Variants in TSPAN15 observed in about 807,000 individuals in gnomAD.
TSPAN15 encodes tetraspanin 15, also known as tetraspanin-15.
Under a neutral mutation model 34.5 loss-of-function variants are expected in TSPAN15, and 20 were observed. The ratio of observed to expected loss-of-function variants is 0.58; its 90% CI spans 0.41 to 0.84. The LOEUF is 0.84. TSPAN15 is among the 40% of genes least tolerant of loss of function. The pLI is 0.00. For synonymous variants in TSPAN15, 155 were observed against 153.9 expected, an observed-to-expected ratio of 1.01 and a Z score of -0.05; for missense variants, 313 against 386.1, an observed-to-expected ratio of 0.81 and a Z score of 1.59.
the TSPAN15 span, among the ~76,000 whole-genome samples, chr10:69,539,539 G>GAAGAAGAAGA: frequency 1.8e-3 from 75 of 42,692 alleles, 4 homozygotes; most frequent in Middle Eastern, 0.018. Context: ...GAAGAAGAAG[G>GAAGAAGAAGA]AGAAGGAGAA....
intron 5 of TSPAN15, among the ~76,000 whole-genome samples, chr10:69,500,120 G>A (rs1842173770): frequency 2.6e-5 from 4 of 152,172 alleles, no homozygotes; most frequent in African/African-American, 4.8e-5. Context: ...GTGATCCAGG[G>A]GTCATAGGTC....
At chr10:69,498,557 C>A (rs1258919832) in intron 5 of TSPAN15, among the ~76,000 whole-genome samples, 161 bp downstream of exon 5, 6 of 152,058 alleles carry the variant, frequency 3.9e-5, no homozygotes, top group Admixed American at 3.9e-4. Context: ...CTCAAGGGCT[C>A]CTGAAAGTGG....
intron 1 of TSPAN15, among the ~76,000 whole-genome samples, chr10:69,478,232 C>A (rs1298098133): frequency 6.6e-6 from 1 of 152,088 alleles, no homozygotes; most frequent in Non-Finnish European, 1.5e-5. Context: ...GCAGGATGGG[C>A]CTCGGGACAG....
At chr10:69,477,784 C>T (rs574005419) in intron 1 of TSPAN15, among the ~76,000 whole-genome samples, 51 of 152,196 alleles carry the variant, frequency 3.4e-4, no homozygotes, top group Middle Eastern at 6.8e-3. Context: ...GCCAGGCAGA[C>T]GAGTTTTGGT....
chr10:69,510,171 A>T (rs1483365544), downstream of TSPAN15, among the ~76,000 whole-genome samples: 1 of 152,198 alleles, frequency 6.6e-6, no homozygotes, highest in East Asian at 1.9e-4. Context: ...ACTTTGGGCC[A>T]TATGGCCATT....
At chr10:69,543,891 G>C in the TSPAN15 span, among the ~76,000 whole-genome samples, 6 of 145,432 alleles carry the variant, frequency 4.1e-5, no homozygotes, top group Admixed American at 1.4e-4. Context: ...GTGTGTGTGT[G>C]TGTGTGTGTG....
chr10:69,499,178 C>T (rs898645401), intron 5 of TSPAN15, among the ~76,000 whole-genome samples: 7 of 152,300 alleles, frequency 4.6e-5, no homozygotes, highest in Non-Finnish European at 7.3e-5. Context: ...AGGATTGGAA[C>T]GAGGTGGAGA....
intron 1 of TSPAN15, among the ~76,000 whole-genome samples, chr10:69,455,057 G>A (rs534201331): frequency 3.0e-4 from 45 of 151,264 alleles, no homozygotes; most frequent in South Asian, 8.4e-4. Context: ...CAGCTACAGC[G>A]AGGGCTGAGG....
At chr10:69,532,474 C>T in the TSPAN15 span, among the ~76,000 whole-genome samples, 8 of 152,226 alleles carry the variant, frequency 5.3e-5, no homozygotes, top group Non-Finnish European at 1.0e-4. Flanking sequence ...ATTGGCAAGC[C>T]GCATGTAGGA....
At chr10:69,490,008 T>G (rs1841935132) in intron 3 of TSPAN15, among the ~76,000 whole-genome samples, 2 of 152,178 alleles carry the variant, frequency 1.3e-5, no homozygotes, top group African/African-American at 4.8e-5. Context: ...CAGCTGAGCT[T>G]GGACACCTGG....
intron 1 of TSPAN15, among the ~76,000 whole-genome samples, chr10:69,464,071 A>G (rs1398122032): frequency 6.6e-6 from 1 of 152,196 alleles, no homozygotes; most frequent in Non-Finnish European, 1.5e-5. Flanking sequence ...GTGTGCAGAC[A>G]GGGGCAGACA....
chr10:69,516,702 C>T, the TSPAN15 span, among the ~76,000 whole-genome samples: 1 of 152,200 alleles, frequency 6.6e-6, no homozygotes, highest in East Asian at 1.9e-4. Context: ...TGCCCTTGCA[C>T]TGAACAGGCT....
chr10:69,536,582 C>T, the TSPAN15 span, among the ~76,000 whole-genome samples: 11 of 152,258 alleles, frequency 7.2e-5, no homozygotes, highest in South Asian at 8.3e-4. Context: ...AAGGTGCTGG[C>T]GGGTTGGTTT....
At chr10:69,501,264 A>G (rs779593091) in intron 5 of TSPAN15, among the ~76,000 whole-genome samples, 1 of 152,170 alleles carries the variant, frequency 6.6e-6, no homozygotes, top group Non-Finnish European at 1.5e-5. Flanking sequence ...CAAGGGGTGT[A>G]AACACGGACA....
the TSPAN15 span, among the ~76,000 whole-genome samples, chr10:69,520,683 GTA>G: frequency 6.6e-6 from 1 of 152,146 alleles, no homozygotes. Flanking sequence ...AAAATCCATT[GTA>G]TGCATATACC....
rs756041189 is a variant in TSPAN15 at position 69,495,651 on chromosome 10, C to T, written c.415C>T (p.Leu139=). The T allele has an allele frequency of 6.2e-6, 10 of 1,613,984 alleles. No homozygotes were observed. Among genetic ancestry groups the T allele is most frequent in the African/African-American group, 1.3e-5 (1 of 74,932 alleles). ...AGGAATTGAGAACTACTATGATGAT[C>T]TGGACTTCAAAAACATCATGGACTT... is the stretch of plus-strand genomic sequence containing the variant. ...RRGIENYYDD[L]DFKNIMDFVQ... is the part of the protein sequence containing the mutation. The change falls in exon 4 of 8, where the codon CTG becomes TTG. Residue 139 remains leucine (L), a synonymous_variant. Transcript: ENST00000373290.
At chr10:69,543,467 G>A in the TSPAN15 span, among the ~76,000 whole-genome samples, 2 of 152,284 alleles carry the variant, frequency 1.3e-5, no homozygotes, top group Non-Finnish European at 2.9e-5. Flanking sequence ...TTGAGATAAG[G>A]TGTGGTGACA....
chr10:69,544,812 C>T, the TSPAN15 span, among the ~76,000 whole-genome samples: 1 of 152,212 alleles, frequency 6.6e-6, no homozygotes, highest in Non-Finnish European at 1.5e-5. Context: ...TCTCCCTCCC[C>T]TTCGACTCGG....
chr10:69,504,836 A>G (rs1158166033), intron 6 of TSPAN15, among the ~76,000 whole-genome samples: 1 of 152,190 alleles, frequency 6.6e-6, no homozygotes. Context: ...GGGACCCAGG[A>G]GTCCTAGAGG....
Sources: gnomAD v4.1 joint callset for allele counts (sites outside exome capture counted in the v4.1 genomes callset) on GRCh38, gnomAD v4.1.1 for gene constraint, MANE v1.5 for transcripts, NCBI Gene and HGNC (gene_info 2026-07-23, HGNC 2026-07-21) for gene names.